HECW1: variants seen among roughly 807,000 people sequenced by gnomAD.
HECW1 encodes the protein E3 ubiquitin-protein ligase HECW1.
Under a neutral mutation model 182.3 loss-of-function variants are expected in HECW1, and 61 were observed. That is an observed-to-expected ratio of 0.33 (90% CI 0.27 to 0.41). The LOEUF is 0.41. HECW1 is among the 10% of genes least tolerant of loss of function. The probability of loss-of-function intolerance (pLI) is 1.00; values close to 1 mark genes in which losing one functional copy is unlikely to be tolerated. For synonymous variants in HECW1, 859 were observed against 832.6 expected (o/e 1.03, Z -0.55); for missense variants, 1,739 against 2,108.9 (o/e 0.82, Z 3.44).
chr7:43,343,946 A>C (rs879705078), intron 5 of HECW1, among the ~76,000 whole-genome samples: 1 of 151,804 alleles, frequency 6.6e-6, no homozygotes, highest in Non-Finnish European at 1.5e-5. Flanking sequence ...AATGATCGCC[A>C]TTCTAACTGG....
In HECW1 at chr7:43,311,744, T is replaced by A. The variant is rs776184977; in HGVS notation, c.28-19T>A. 18 of 1,613,096 alleles carry A rather than the reference T, an allele frequency of 1.1e-5. No individual in the cohort carries two copies. The highest frequency in any genetic ancestry group is 1.5e-5 in the Non-Finnish European group (18 of 1,179,314). On this transcript the variant is annotated intron_variant, in intron 3 of 29. Transcript: ENST00000395891. ...GCCGGCGTGCCCTGACCCTGCTCAC[T>A]GTCTCTTTGCTCCCACAGAATCTGT... is the stretch of plus-strand genomic sequence containing the variant.
chr7:43,244,335 C>T (rs1799166592), intron 3 of HECW1, among the ~76,000 whole-genome samples: 1 of 152,226 alleles, frequency 6.6e-6, no homozygotes, highest in Non-Finnish European at 1.5e-5. Flanking sequence ...AGCTTCTCCT[C>T]CTGACTCAGA....
At chr7:43,203,704 C>T (rs1583953787) in intron 2 of HECW1, among the ~76,000 whole-genome samples, 4 of 152,262 alleles carry the variant, frequency 2.6e-5, no homozygotes, top group Middle Eastern at 6.8e-3. Flanking sequence ...ATGATCCACC[C>T]ACCTCAGCCT....
intron 2 of HECW1, among the ~76,000 whole-genome samples, chr7:43,227,601 T>G (rs1797541458): frequency 6.6e-6 from 1 of 152,208 alleles, no homozygotes; most frequent in African/African-American, 2.4e-5. Flanking sequence ...CATATATAGT[T>G]TATGATGTTA....
intron 26 of HECW1, among the ~76,000 whole-genome samples, chr7:43,547,057 T>G (rs937134280): frequency 6.6e-6 from 1 of 152,228 alleles, no homozygotes; most frequent in Non-Finnish European, 1.5e-5. Flanking sequence ...GCTTCTCTTC[T>G]TATCTTGACA....
chr7:43,536,876 C>A (rs1288777020), intron 24 of HECW1, among the ~76,000 whole-genome samples: 1 of 152,216 alleles, frequency 6.6e-6, no homozygotes, highest in African/African-American at 2.4e-5. Flanking sequence ...AGGAGCCACT[C>A]CCTCCTGGCA....
At chr7:43,374,388 A>G (rs1428748444) in intron 6 of HECW1, among the ~76,000 whole-genome samples, 2 of 152,216 alleles carry the variant, frequency 1.3e-5, no homozygotes, top group Admixed American at 1.3e-4. Context: ...AGTCACAGGT[A>G]TGTGACTTAG....
At chr7:43,199,834 GT>G (rs1193348120) in intron 2 of HECW1, among the ~76,000 whole-genome samples, 1 of 152,126 alleles carries the variant, frequency 6.6e-6, no homozygotes, top group Non-Finnish European at 1.5e-5. Context: ...AAATGAGACA[GT>G]TTTGGCATAA....
chr7:43,451,972 C>A (rs2077251095), intron 12 of HECW1, among the ~76,000 whole-genome samples: 1 of 152,160 alleles, frequency 6.6e-6, no homozygotes, highest in Non-Finnish European at 1.5e-5. Context: ...ATGTGCTGTA[C>A]TTTACAGGAA....
At chr7:43,204,699 G>C (rs1397212787) in intron 2 of HECW1, among the ~76,000 whole-genome samples, 1 of 152,312 alleles carries the variant, frequency 6.6e-6, no homozygotes, top group East Asian at 1.9e-4. Flanking sequence ...GACAAAGGTG[G>C]TATGTGCTAA....
chr7:43,148,101 G>A (rs761663648), intron 2 of HECW1, among the ~76,000 whole-genome samples: 6 of 152,186 alleles, frequency 3.9e-5, no homozygotes, highest in Non-Finnish European at 8.8e-5. Context: ...TTGTGTGTAG[G>A]GAGTGCCCTT....
rs533593484 is a variant in HECW1 at position 43,564,280 on chromosome 7, A to G, written c.*2354A>G. On this transcript the variant is annotated 3_prime_UTR_variant, in exon 30 of 30. Coordinates refer to ENST00000395891, the MANE Select transcript of HECW1 (RefSeq NM_015052.5). Reference sequence around the variant, plus strand: ...TCATTAATTCAAGCACTCTCTTTCTAGTACTCACATTATTTGTCAGGCATT... The same window carrying G: ...TCATTAATTCAAGCACTCTCTTTCTGGTACTCACATTATTTGTCAGGCATT... 245 of 189,154 alleles carry G rather than the reference A, an allele frequency of 1.3e-3. No homozygotes were observed. The highest frequency in any genetic ancestry group is 3.9e-3 in the Middle Eastern group (2 of 510). The allele number at this position is 189,154 out of a possible 1,614,324, so 11.7% of individuals were successfully genotyped here.
chr7:43,306,906 T>G (rs1379076504), intron 3 of HECW1, among the ~76,000 whole-genome samples: 1 of 152,180 alleles, frequency 6.6e-6, no homozygotes, highest in Non-Finnish European at 1.5e-5. Context: ...TGAGACTATC[T>G]TAAAACATAT....
chr7:43,429,335 T>C (rs10279979), intron 8 of HECW1, among the ~76,000 whole-genome samples: 45,824 of 120,236 alleles, frequency 0.38, 8,811 homozygotes, highest in Middle Eastern at 0.54. Context: ...TATATATATA[T>C]ACATATATGC....
chr7:43,136,150 G>A (rs770591124), intron 2 of HECW1, among the ~76,000 whole-genome samples: 7 of 151,876 alleles, frequency 4.6e-5, no homozygotes, highest in East Asian at 1.9e-4. Context: ...GAAGAACCTC[G>A]TCCTGTCTCT....
At chr7:43,253,013 C>A (rs1161943903) in intron 3 of HECW1, among the ~76,000 whole-genome samples, 2 of 152,086 alleles carry the variant, frequency 1.3e-5, no homozygotes, top group Admixed American at 1.3e-4. Context: ...TTATTTAGCC[C>A]AGTCATTTGC....
At position 43,471,398 on chromosome 7, in the gene HECW1, G is replaced by A. The variant is rs1401096567; in HGVS notation, c.3099+2293G>A. Reference sequence around the variant, plus strand: ...GAGCAGGTCCTTGCCCCTCACCCTGGACAATCTGCTTCTTGCTTTATCTAC... The same window carrying A: ...GAGCAGGTCCTTGCCCCTCACCCTGAACAATCTGCTTCTTGCTTTATCTAC... On this transcript the variant is annotated intron_variant, in intron 16 of 29. Transcript: ENST00000395891. Among the ~76,000 whole-genome samples the A allele has an allele frequency of 3.9e-5, 6 of 152,094 alleles. No individual in the cohort carries two copies. The South Asian group carries it at 1.0e-3, about 26-fold the overall frequency.
At chr7:43,520,406 C>T (rs1288378251) in intron 24 of HECW1, among the ~76,000 whole-genome samples, 5 of 152,102 alleles carry the variant, frequency 3.3e-5, no homozygotes, top group South Asian at 4.2e-4. Context: ...CTGCCTCTCC[C>T]GGGCAGCTCC....
intron 2 of HECW1, among the ~76,000 whole-genome samples, chr7:43,185,534 C>T (rs10253174): frequency 0.24 from 36,680 of 152,050 alleles, 4,620 homozygotes; most frequent in Middle Eastern, 0.27. Flanking sequence ...AGAATTGAAT[C>T]GGAGGACACC....
Sources: gnomAD v4.1 joint callset for allele counts (sites outside exome capture counted in the v4.1 genomes callset) on GRCh38, gnomAD v4.1.1 for gene constraint, MANE v1.5 for transcripts, NCBI Gene and HGNC (gene_info 2026-07-23, HGNC 2026-07-21) for gene names.